The following RASGRF2 variants were observed in gnomAD, a reference collection of about 807,000 sequenced individuals.
RASGRF2 encodes Ras protein specific guanine nucleotide releasing factor 2, also known as ras-specific guanine nucleotide-releasing factor 2.
RASGRF2 carries 76 observed loss-of-function variants against 151.0 expected under a neutral mutation model. The observed-to-expected ratio is 0.50, with a 90% CI of 0.42 to 0.61. RASGRF2 has a LOEUF of 0.61. RASGRF2 is among the 20% of genes least tolerant of loss of function. RASGRF2 has a pLI of 0.00. For synonymous variants in RASGRF2, 504 were observed against 566.5 expected, an observed-to-expected ratio of 0.89 and a Z score of 1.57; for missense variants, 1,148 against 1,564.6, an observed-to-expected ratio of 0.73 and a Z score of 4.49.
intron 1 of RASGRF2, among the ~76,000 whole-genome samples, chr5:81,028,025 C>T (rs1475952157): frequency 1.3e-5 from 2 of 152,030 alleles, no homozygotes; most frequent in African/African-American, 4.8e-5. Context: ...GCAACATCAC[C>T]ATGGAGTGGG....
Position 81,029,649 on chromosome 5 carries a change from G to A in RASGRF2, c.289-13228G>A, listed in dbSNP as rs548131970. Among the ~76,000 whole-genome samples, 101 of 152,312 alleles carry A rather than the reference G, an allele frequency of 6.6e-4. 1 individual carries two copies. Among genetic ancestry groups the A allele is most frequent in the Middle Eastern group, 3.4e-3 (1 of 294 alleles). On this transcript the variant is annotated intron_variant, in intron 1 of 26. Coordinates refer to ENST00000265080, the MANE Select transcript of RASGRF2 (RefSeq NM_006909.3). ...ACCCACACCAAAACCCCATCTGCACGTCACCATCATCAAAGACCAAAGGTA... is the reference window on the plus strand; with the variant it reads ...ACCCACACCAAAACCCCATCTGCACATCACCATCATCAAAGACCAAAGGTA...
intron 15 of RASGRF2, among the ~76,000 whole-genome samples, chr5:81,121,844 T>C (rs26894): frequency 0.24 from 36,848 of 152,132 alleles, 5,160 homozygotes; most frequent in Middle Eastern, 0.4. Context: ...TCAGACCCCA[T>C]TACTCCCTCA....
intron 1 of RASGRF2, among the ~76,000 whole-genome samples, chr5:80,975,722 G>A (rs1317416294): frequency 6.6e-6 from 1 of 152,162 alleles, no homozygotes; most frequent in Admixed American, 6.5e-5. Context: ...GTACCAAGCT[G>A]TGAGTCCCAT....
chr5:80,981,302 C>T (rs973924850), intron 1 of RASGRF2, among the ~76,000 whole-genome samples: 1 of 152,136 alleles, frequency 6.6e-6, no homozygotes, highest in Middle Eastern at 3.4e-3. Context: ...TTTGGGTTTT[C>T]AGGTCATGGT....
chr5:81,053,843 T>C (rs1398170369), intron 2 of RASGRF2, among the ~76,000 whole-genome samples: 3 of 152,348 alleles, frequency 2.0e-5, no homozygotes, highest in East Asian at 1.9e-4. Flanking sequence ...TGGTATCTCA[T>C]TGTGGTTTTG....
In RASGRF2 at chr5:81,009,431, G is replaced by A. The variant is rs561701471; in HGVS notation, c.289-33446G>A. Among the ~76,000 whole-genome samples, 11 of 152,294 alleles carry A rather than the reference G, an allele frequency of 7.2e-5. No individual in the cohort carries two copies. In the East Asian group the frequency reaches 2.1e-3, roughly 29 times the overall value. On this transcript the variant is annotated intron_variant, in intron 1 of 26. Coordinates refer to ENST00000265080, the MANE Select transcript of RASGRF2 (RefSeq NM_006909.3). ...GCCACTCAGTCGCTAAAATTGTGAT[G>A]TGAGTGTTGTTCAGTAGCTTATTAT...
intron 7 of RASGRF2, 44 bp downstream of exon 7, chr5:81,080,833 C>T: frequency 6.4e-7 from 1 of 1,563,670 alleles, no homozygotes; most frequent in Non-Finnish European, 8.8e-7. Context: ...GTTTCCAGCT[C>T]AATGTCACTG....
intron 1 of RASGRF2, among the ~76,000 whole-genome samples, chr5:81,029,118 C>T (rs1034960684): frequency 6.6e-6 from 1 of 152,220 alleles, no homozygotes; most frequent in Non-Finnish European, 1.5e-5. Context: ...TCTGCCATTG[C>T]TGAGGCTTGA....
chr5:81,054,600 G>A (rs1751135000), intron 2 of RASGRF2, among the ~76,000 whole-genome samples: 1 of 100,842 alleles, frequency 9.9e-6, no homozygotes, highest in African/African-American at 3.9e-5. Flanking sequence ...GATTGTCTTG[G>A]CAATGCAGGC....
rs1191450806 is a variant in RASGRF2 at position 81,080,724 on chromosome 5, T to C, written c.1096T>C (p.Tyr366His). Reference sequence around the variant, plus strand: ...AGATTTTGACAAACTCTTAAAACAGTATGAAGCCAATCCAGCCTGTGAGGG... The same window carrying C: ...AGATTTTGACAAACTCTTAAAACAGCATGAAGCCAATCCAGCCTGTGAGGG... ...NRDFDKLLKQ[Y>H]EANPACEGRM... is the part of the protein sequence containing the mutation. Residue 366 changes from tyrosine to histidine, a missense_variant, in exon 7 of 27, where the codon TAT becomes CAT. Physicochemically the swap from Tyr to His is moderately conservative, Grantham distance 83 (BLOSUM62 2). Coordinates refer to ENST00000265080, the MANE Select transcript of RASGRF2 (RefSeq NM_006909.3). The C allele has an allele frequency of 6.2e-7, 1 of 1,614,200 alleles. No individual in the cohort carries two copies. Among genetic ancestry groups the C allele is most frequent in the Non-Finnish European group, 8.5e-7 (1 of 1,180,030 alleles).
At chr5:81,219,174 G>A (rs1233402765) in intron 25 of RASGRF2, among the ~76,000 whole-genome samples, 3 of 151,712 alleles carry the variant, frequency 2.0e-5, no homozygotes, top group Non-Finnish European at 4.4e-5. Context: ...CACCTTCCGG[G>A]TTCAAGCAAT....
Position 81,225,864 on chromosome 5 carries a change from C to A in RASGRF2, c.*94C>A. ...TTGCCTATCACGGTACAGCACGAAG[C>A]CAGGCTCCTTTCTCCACCAAAGAAG... is the stretch of plus-strand genomic sequence containing the variant. On this transcript the variant is annotated 3_prime_UTR_variant, in exon 27 of 27. Transcript: ENST00000265080. 7.6e-7 allele frequency: 1 copy of A among 1,310,220 alleles called. No individual in the cohort carries two copies. The allele number at this position is 1,310,220 out of a possible 1,614,324, so 81.2% of individuals were successfully genotyped here. A position where few individuals can be genotyped will look rare whatever the true frequency, so the allele number is the denominator to read the frequency against.
At chr5:81,095,273 T>C (rs1752515082) in intron 12 of RASGRF2, among the ~76,000 whole-genome samples, 1 of 152,178 alleles carries the variant, frequency 6.6e-6, no homozygotes, top group Non-Finnish European at 1.5e-5. Context: ...TTGAACAGTA[T>C]TGAGATTGCC....
chr5:81,157,457 A>G (rs1754288881), intron 17 of RASGRF2, among the ~76,000 whole-genome samples: 1 of 152,124 alleles, frequency 6.6e-6, no homozygotes, highest in Admixed American at 6.5e-5. Flanking sequence ...TAGTGGAGAG[A>G]TATACCAAGT....
At chr5:81,086,717 C>G in intron 8 of RASGRF2, 118 bp from the exon 9 acceptor site, 1 of 796,774 alleles carries the variant, frequency 1.3e-6, no homozygotes, top group Non-Finnish European at 2.0e-6. Context: ...TCCCCCAAAC[C>G]CCCGGTTCAA....
intron 18 of RASGRF2, among the ~76,000 whole-genome samples, chr5:81,184,978 G>A (rs1054068605): frequency 8.5e-5 from 13 of 152,214 alleles, no homozygotes; most frequent in Admixed American, 2.0e-4. Context: ...TGTTTCTGAC[G>A]TTCAGGCAGA....
chr5:81,222,592 T>C (rs1305426859), intron 26 of RASGRF2, among the ~76,000 whole-genome samples: 6 of 152,190 alleles, frequency 3.9e-5, no homozygotes, highest in Non-Finnish European at 8.8e-5. Flanking sequence ...TTACATTTAT[T>C]TGTGTGATTA....
intron 1 of RASGRF2, among the ~76,000 whole-genome samples, chr5:80,993,576 A>G (rs1284811194): frequency 6.6e-6 from 1 of 152,222 alleles, no homozygotes; most frequent in Non-Finnish European, 1.5e-5. Flanking sequence ...ATTGAGGCAC[A>G]TTCAATAAAG....
chr5:81,003,399 A>AT (rs1201512023), intron 1 of RASGRF2, among the ~76,000 whole-genome samples: 1 of 151,892 alleles, frequency 6.6e-6, no homozygotes, highest in East Asian at 1.9e-4. Context: ...ATTTTTTTGT[A>AT]TTTTTAGTAG....
Sources: allele counts gnomAD v4.1 joint callset (sites outside exome capture counted in the v4.1 genomes callset), GRCh38; gene constraint gnomAD v4.1.1; transcripts MANE v1.5; gene names NCBI Gene and HGNC (gene_info 2026-07-23, HGNC 2026-07-21).